AGXT2: variants seen among roughly 807,000 people sequenced by gnomAD.
The protein encoded by AGXT2 is alanine--glyoxylate aminotransferase 2, mitochondrial.
Under a neutral mutation model 62.5 loss-of-function variants are expected in AGXT2, and 61 were observed. The observed-to-expected ratio is 0.98, with a 90% CI of 0.79 to 1.21. AGXT2 has a LOEUF of 1.21. AGXT2 is among the 50% of genes most tolerant of loss of function. The probability of loss-of-function intolerance (pLI) is 0.00; values close to 1 mark genes in which losing one functional copy is unlikely to be tolerated. For synonymous variants in AGXT2, 243 were observed against 218.7 expected (o/e 1.11, Z -0.98); for missense variants, 666 against 641.5 (o/e 1.04, Z -0.41).
At chr5:35,009,956 G>A (rs759343226) in intron 12 of AGXT2, 44 bp downstream of exon 12, 1 of 1,612,780 alleles carries the variant, frequency 6.2e-7, no homozygotes, top group East Asian at 2.2e-5. Flanking sequence ...TATATCTCCT[G>A]CTGGCTCCAA....
intron 1 of AGXT2, among the ~76,000 whole-genome samples, chr5:35,042,735 C>A (rs1256790582): frequency 5.8e-5 from 7 of 119,868 alleles, no homozygotes; most frequent in Admixed American, 5.7e-4. Flanking sequence ...CATATGCATA[C>A]CTGTGTGTGT....
At chr5:35,003,156 T>G (rs1414331463) in intron 13 of AGXT2, among the ~76,000 whole-genome samples, 2 of 151,394 alleles carry the variant, frequency 1.3e-5, no homozygotes, top group East Asian at 3.9e-4. Context: ...AGGAAGGGAG[T>G]GGGGAGGGCT....
chr5:35,012,586 A>G, intron 11 of AGXT2: 1 of 315,684 alleles, frequency 3.2e-6, no homozygotes, highest in Non-Finnish European at 6.1e-6. Flanking sequence ...TAATAGTACA[A>G]CAAAAGGAAG....
rs538836108 is a variant in AGXT2, at chr5:35,013,610, C to T, written c.1096+377G>A. 5.9e-5 allele frequency among the ~76,000 whole-genome samples: 9 copies of T among 152,122 alleles called. No homozygotes were observed. The South Asian group carries it at 1.0e-3, about 18-fold the overall frequency. On this transcript the variant is annotated intron_variant, in intron 10 of 13. Transcript: ENST00000231420. ...CAGCCTGGCCAACATGGTGAAACTC[C>T]GTTTCTACTAAAAATACAAAAATTA... is the stretch of plus-strand genomic sequence containing the variant.
chr5:35,027,336 A>T (rs2112247621), intron 7 of AGXT2, among the ~76,000 whole-genome samples: 1 of 152,324 alleles, frequency 6.6e-6, no homozygotes, highest in Non-Finnish European at 1.5e-5. Context: ...GGGGAAAAGC[A>T]GTAAAGTGTC....
At chr5:35,042,956 C>T (rs1268279995) in intron 1 of AGXT2, among the ~76,000 whole-genome samples, 1 of 152,178 alleles carries the variant, frequency 6.6e-6, no homozygotes, top group Non-Finnish European at 1.5e-5. Flanking sequence ...GTTTTCACTT[C>T]AATTCACATG....
intron 7 of AGXT2, among the ~76,000 whole-genome samples, chr5:35,028,604 AG>A (rs763037332): frequency 0.097 from 8,788 of 90,988 alleles, 1,062 homozygotes; most frequent in East Asian, 0.21. Context: ...AGAGAGAGAG[AG>A]AGAGAGAGAG....
intron 1 of AGXT2, among the ~76,000 whole-genome samples, chr5:35,041,319 CT>C (rs1212497860): frequency 7.0e-6 from 1 of 142,098 alleles, no homozygotes; most frequent in Non-Finnish European, 1.6e-5. Flanking sequence ...TAGGAGGGAC[CT>C]TACATTTGTG....
chr5:35,037,124 C>G, intron 3 of AGXT2, 59 bp from the exon 4 acceptor site: 1 of 1,611,110 alleles, frequency 6.2e-7, no homozygotes, highest in Non-Finnish European at 8.5e-7. Context: ...CCTGCACACA[C>G]CCTGGTCATT....
At chr5:35,010,188 A>G (rs1766579428) in intron 11 of AGXT2, 39 bp from the exon 12 acceptor site, 1 of 1,613,388 alleles carries the variant, frequency 6.2e-7, no homozygotes, top group African/African-American at 1.3e-5. Context: ...ACATGGCAGA[A>G]GTTCTAAGAT....
At chr5:35,030,294 A>C (rs1237128036) in intron 7 of AGXT2, among the ~76,000 whole-genome samples, 1 of 152,054 alleles carries the variant, frequency 6.6e-6, no homozygotes, top group Non-Finnish European at 1.5e-5. Flanking sequence ...GATCACCTGA[A>C]GTCAGGAGTT....
Position 35,032,738 on chromosome 5 carries a change from C to A in AGXT2, c.763G>T (p.Ala255Ser), listed in dbSNP as rs1262935126. ...CCCCCTTGCCCAGTCGGACCTGGTG[C>A]ACAGCTGCACTTCCTGATTGTTTGC... ...PVQTIRKCSC[A>S]PDCCQAKDQY... is the part of the protein sequence containing the mutation. The change falls in exon 7 of 14, where the codon GCA (alanine) becomes TCA (serine). Residue 255 changes from alanine (A) to serine (S), a missense_variant. Transcript: ENST00000231420. The A allele has an allele frequency of 1.2e-6, 2 of 1,606,354 alleles. No individual in the cohort carries two copies. Among genetic ancestry groups the A allele is most frequent in the Admixed American group, 1.7e-5 (1 of 59,130 alleles).
intron 1 of AGXT2, among the ~76,000 whole-genome samples, chr5:35,045,257 G>A (rs923371326): frequency 1.3e-5 from 2 of 152,108 alleles, no homozygotes; most frequent in African/African-American, 4.8e-5. Context: ...TACTATACAA[G>A]AATTGTGACT....
In AGXT2 at chr5:35,033,602, G is replaced by A. The variant is rs777222671; in HGVS notation, c.582-49C>T. The A allele has an allele frequency of 3.7e-5, 52 of 1,419,032 alleles. No homozygotes were observed. In the South Asian group the frequency reaches 5.6e-4, roughly 15 times the overall value. 87.9% of individuals were successfully genotyped at this position (1,419,032 alleles called of 1,614,324 possible). A position where few individuals can be genotyped will look rare whatever the true frequency, so the allele number is the denominator to read the frequency against. ...GATGGGGTCAAGTTCCTGGTCCACT[G>A]AGTAGGACAAAAGAGAAAACCCAGG... On this transcript the variant is annotated intron_variant, in intron 5 of 13. Transcript: ENST00000231420.
intron 12 of AGXT2, among the ~76,000 whole-genome samples, chr5:35,008,068 T>C (rs1766499976): frequency 6.6e-6 from 1 of 152,174 alleles, no homozygotes; most frequent in Non-Finnish European, 1.5e-5. Context: ...GCTGGTGTCA[T>C]GCTTCCTGTA....
intron 1 of AGXT2, among the ~76,000 whole-genome samples, chr5:35,044,556 T>G (rs1768115728): frequency 6.6e-6 from 1 of 152,250 alleles, no homozygotes; most frequent in Non-Finnish European, 1.5e-5. Flanking sequence ...TACCAGAAGT[T>G]ACTCTACTCC....
At chr5:35,000,501 C>T (rs1045810029) in intron 13 of AGXT2, among the ~76,000 whole-genome samples, 2 of 152,196 alleles carry the variant, frequency 1.3e-5, no homozygotes, top group African/African-American at 2.4e-5. Context: ...CTGCCTCAGC[C>T]TCCTGAGTAG....
At chr5:35,040,914 C>T (rs1338847288) in intron 1 of AGXT2, among the ~76,000 whole-genome samples, 2 of 152,044 alleles carry the variant, frequency 1.3e-5, no homozygotes, top group South Asian at 2.1e-4. Flanking sequence ...ACTTGGGAGG[C>T]TCAGTTTAGG....
intron 9 of AGXT2, among the ~76,000 whole-genome samples, chr5:35,015,859 A>C (rs1766832964): frequency 6.6e-6 from 1 of 151,078 alleles, no homozygotes; most frequent in South Asian, 2.1e-4. Flanking sequence ...CAAAAAAAAA[A>C]AAAAAAAAAA....
Sources: allele counts gnomAD v4.1 joint callset (sites outside exome capture counted in the v4.1 genomes callset), GRCh38; gene constraint gnomAD v4.1.1; transcripts MANE v1.5; gene names NCBI Gene and HGNC (gene_info 2026-07-23, HGNC 2026-07-21).